HOXD3: variants seen among roughly 807,000 people sequenced by gnomAD.
HOXD3 encodes the protein homeobox protein Hox-D3.
A neutral mutation model predicts 32.8 loss-of-function variants in HOXD3; 13 were observed. The ratio of observed to expected loss-of-function variants is 0.40; its 90% confidence interval spans 0.26 to 0.63. HOXD3 has a LOEUF of 0.63. HOXD3 is among the 20% of genes least tolerant of loss of function. The pLI is 0.44. For synonymous variants in HOXD3, 241 were observed against 246.8 expected (o/e 0.98, Z 0.22); for missense variants, 504 against 577.1 (o/e 0.87, Z 1.30).
Position 176,172,041 on chromosome 2 carries a change from G to A in HOXD3, c.1066G>A (p.Val356Met). The A allele has an allele frequency of 1.2e-6, 2 of 1,608,548 alleles. No homozygotes were observed. Among genetic ancestry groups the A allele is most frequent in the South Asian group, 2.2e-5 (2 of 90,884 alleles). The change falls in exon 4 of 4, where the codon GTG becomes ATG. Residue 356 changes from valine (V) to methionine (M), a missense_variant. By Grantham distance (21) the Val-to-Met change is conservative. Transcript: ENST00000683222. ...FASANLQGSP[V>M]YVGGNFVESM... The stretch of plus-strand genomic sequence containing the variant: ...CAGCGCCAACTTGCAGGGCAGCCCG[G>A]TGTACGTGGGCGGCAACTTCGTCGA...
chr2:176,172,224 C>A lies in HOXD3; in HGVS notation c.1249C>A (p.His417Asn). ...CACCTACACAGATCTCTCGGCCCACCACTCGTCTCAGGGACGACTGCCGGA... is the reference window on the plus strand; with the variant it reads ...CACCTACACAGATCTCTCGGCCCACAACTCGTCTCAGGGACGACTGCCGGA... ...HPTYTDLSAH[H>N]SSQGRLPEAP... Residue 417 changes from histidine (H) to asparagine (N), a missense_variant, in exon 4 of 4, where the codon CAC becomes AAC. Coordinates refer to ENST00000683222, the MANE Select transcript of HOXD3 (RefSeq NM_006898.5). 1 of 1,610,642 alleles carries A rather than the reference C, an allele frequency of 6.2e-7. No homozygotes were observed. Among genetic ancestry groups the A allele is most frequent in the Non-Finnish European group, 8.5e-7 (1 of 1,179,894 alleles).
Position 176,172,411 on chromosome 2 carries a change from T to C in HOXD3, c.*137T>C. 1.1e-6 allele frequency: 1 copy of C among 871,444 alleles called. No individual in the cohort carries two copies. The highest frequency in any genetic ancestry group is 1.7e-6 in the Non-Finnish European group (1 of 590,672). The allele number at this position is 871,444 out of a possible 1,614,324, so 54.0% of individuals were successfully genotyped here. A position where few individuals can be genotyped will look rare whatever the true frequency, so the allele number is the denominator to read the frequency against. ...GCCGCCGCCTCCCGGGTCTCAGGCC[T>C]CCAGCGGCGGAGGCGCAGGCGACCG... On this transcript the variant is annotated 3_prime_UTR_variant, in exon 4 of 4. Coordinates refer to ENST00000683222, the MANE Select transcript of HOXD3 (RefSeq NM_006898.5).
intron 3 of HOXD3, 135 bp downstream of exon 3, chr2:176,169,790 T>C (rs1691113790): frequency 1.8e-6 from 2 of 1,132,058 alleles, no homozygotes; most frequent in Non-Finnish European, 1.2e-6. Context: ...TTCTTTTTTT[T>C]AGTGTTCCTG....
upstream of HOXD3, among the ~76,000 whole-genome samples, chr2:176,153,896 C>T (rs1489716362): frequency 6.6e-6 from 1 of 152,120 alleles, no homozygotes; most frequent in African/African-American, 2.4e-5. Context: ...AACCTCTATG[C>T]ACTGGGTCAT....
upstream of HOXD3, chr2:176,152,903 G>A (rs754775055): frequency 1.4e-5 from 23 of 1,614,052 alleles, no homozygotes; most frequent in Non-Finnish European, 1.9e-5. The surrounding 1 kb of genome is among the most constrained non-coding windows in gnomAD (Gnocchi z 5.2). Context: ...ATTTACAGCC[G>A]ATGGCCAAAG....
intron 1 of HOXD3, among the ~76,000 whole-genome samples, chr2:176,157,657 TGTGC>T (rs1332239714): frequency 1.3e-5 from 2 of 152,132 alleles, no homozygotes; most frequent in Admixed American, 1.3e-4. Flanking sequence ...TGTGTGTGTG[TGTGC>T]GTGCGTCCGC....
At chr2:176,168,273 A>AC (rs1411889978) in intron 2 of HOXD3, among the ~76,000 whole-genome samples, 78 of 146,168 alleles carry the variant, frequency 5.3e-4, no homozygotes, top group African/African-American at 2.0e-3. Flanking sequence ...AAAAAAAAAA[A>AC]AAAAAAACTA....
chr2:176,169,037 T>C lies in HOXD3; in HGVS notation c.-78T>C, dbSNP rs1034882476. ...CTTGCTTTTCTTCTGACAGGTCACC[T>C]GGAGCCTGGGGGCCGGCCCAGCTCT... is the stretch of plus-strand genomic sequence containing the variant. On this transcript the variant is annotated 5_prime_UTR_variant, in exon 3 of 4. Transcript: ENST00000683222. The C allele has an allele frequency of 2.0e-6, 3 of 1,515,604 alleles. No homozygotes were observed. The highest frequency in any genetic ancestry group is 2.8e-5 in the African/African-American group (2 of 71,854). 93.9% of individuals were successfully genotyped at this position (1,515,604 alleles called of 1,614,324 possible). A position where few individuals can be genotyped will look rare whatever the true frequency, so the allele number is the denominator to read the frequency against.
At chr2:176,156,906 C>A (rs1690655804), upstream of HOXD3, among the ~76,000 whole-genome samples, 2 of 152,188 alleles carry the variant, frequency 1.3e-5, no homozygotes, top group African/African-American at 4.8e-5. Flanking sequence ...AGTGCGCAGG[C>A]AGAAGTTTAA....
At chr2:176,155,475 A>G (rs968902969), upstream of HOXD3, among the ~76,000 whole-genome samples, 14 of 152,232 alleles carry the variant, frequency 9.2e-5, no homozygotes, top group Admixed American at 1.3e-4. Context: ...TTCTTTGTTT[A>G]TAAGTCTCAG....
upstream of HOXD3, chr2:176,153,111 T>A: frequency 2.7e-6 from 1 of 367,426 alleles, no homozygotes; most frequent in Non-Finnish European, 5.3e-6. Flanking sequence ...GGCAGCCCCC[T>A]CCCTAGAGCG....
chr2:176,155,690 G>A (rs893701607), upstream of HOXD3, among the ~76,000 whole-genome samples: 3 of 152,198 alleles, frequency 2.0e-5, no homozygotes, highest in Non-Finnish European at 4.4e-5. Flanking sequence ...TTTGGAGAAA[G>A]CTAGGTGTGG....
chr2:176,160,154 G>C (rs746122652), intron 1 of HOXD3, among the ~76,000 whole-genome samples: 5 of 152,204 alleles, frequency 3.3e-5, no homozygotes, highest in Non-Finnish European at 7.4e-5. Context: ...CCTGGGAGGA[G>C]CTGGGCGTCG....
chr2:176,166,438 C>T (rs562886865), intron 2 of HOXD3, among the ~76,000 whole-genome samples: 2 of 152,212 alleles, frequency 1.3e-5, no homozygotes, highest in South Asian at 4.2e-4. Flanking sequence ...TCTGAGTGTC[C>T]GATGTGACCA....
At position 176,169,206 on chromosome 2, in the gene HOXD3, G is replaced by T; in HGVS notation, c.92G>T (p.Gly31Val). ...AYYENPGLFG[G>V]YGYSKTTDTY... ...TATGAAAACCCAGGACTGTTTGGAG[G>T]CTATGGCTACAGCAAAACTACGGAC... Residue 31 changes from glycine (G) to valine (V), a missense_variant, in exon 3 of 4, where the codon GGC becomes GTC. Transcript: ENST00000683222. 1 of 1,614,124 alleles carries T rather than the reference G, an allele frequency of 6.2e-7. No individual in the cohort carries two copies. Among genetic ancestry groups the T allele is most frequent in the Non-Finnish European group, 8.5e-7 (1 of 1,180,026 alleles).
intron 1 of HOXD3, among the ~76,000 whole-genome samples, chr2:176,159,437 C>G (rs1340741409): frequency 6.6e-6 from 1 of 152,218 alleles, no homozygotes; most frequent in African/African-American, 2.4e-5. Flanking sequence ...CTGCTGGGCA[C>G]TTTCACCGGT....
At chr2:176,154,422 A>G (rs990637876), upstream of HOXD3, among the ~76,000 whole-genome samples, 1 of 152,198 alleles carries the variant, frequency 6.6e-6, no homozygotes, top group African/African-American at 2.4e-5. Context: ...CAGTCTTCCC[A>G]AGGCCTCAGG....
At chr2:176,159,800 C>T (rs1039344241) in intron 1 of HOXD3, among the ~76,000 whole-genome samples, 2 of 152,252 alleles carry the variant, frequency 1.3e-5, no homozygotes. Flanking sequence ...TTCCTGGAGG[C>T]GCCGCAGGAA....
At chr2:176,153,117 GA>G, upstream of HOXD3, 17 of 404,316 alleles carry the variant, frequency 4.2e-5, no homozygotes, top group East Asian at 5.5e-5. Context: ...CCCCTCCCTA[GA>G]GCGGGATGGG....
Sources: gnomAD v4.1 joint callset for allele counts (sites outside exome capture counted in the v4.1 genomes callset) on GRCh38, gnomAD v4.1.1 for gene constraint, Gnocchi (gnomAD v3.1) non-coding constraint, MANE v1.5 for transcripts, NCBI Gene and HGNC (gene_info 2026-07-23, HGNC 2026-07-21) for gene names.